RFX3: variants seen among roughly 807,000 people sequenced by gnomAD.
RFX3 encodes the protein transcription factor RFX3.
RFX3 carries 14 observed loss-of-function variants against 98.6 expected under a neutral mutation model. The ratio of observed to expected loss-of-function variants is 0.14; its 90% CI spans 0.09 to 0.22. The LOEUF is 0.22. Ranked by LOEUF, RFX3 falls within the 10% of genes least tolerant of loss-of-function variation. The probability of loss-of-function intolerance (pLI) is 1.00; values close to 1 mark genes in which losing one functional copy is unlikely to be tolerated. For synonymous variants in RFX3, 383 were observed against 328.4 expected (o/e 1.17, Z -1.80); for missense variants, 639 against 926.9 (o/e 0.69, Z 4.03).
intron 4 of RFX3, among the ~76,000 whole-genome samples, chr9:3,320,721 TACAC>T (rs943161448): frequency 1.5e-5 from 2 of 132,398 alleles, no homozygotes; most frequent in Non-Finnish European, 3.1e-5. Context: ...TATACATACA[TACAC>T]ACACATATGT....
chr9:3,267,996 T>C (rs1287314141), intron 11 of RFX3, among the ~76,000 whole-genome samples: 2 of 151,886 alleles, frequency 1.3e-5, no homozygotes, highest in Non-Finnish European at 2.9e-5. Context: ...ATAAATTTAA[T>C]GCAAGGGCAA....
chr9:3,420,888 T>C (rs1462738224), intron 1 of RFX3: 39 of 984,862 alleles, frequency 4.0e-5, no homozygotes, highest in Non-Finnish European at 4.5e-5. Flanking sequence ...ACCAAAGATA[T>C]CCTTGGGTCA....
At chr9:3,311,419 C>A (rs990098289) in intron 4 of RFX3, among the ~76,000 whole-genome samples, 1 of 152,210 alleles carries the variant, frequency 6.6e-6, no homozygotes, top group Non-Finnish European at 1.5e-5. Flanking sequence ...AAATGACAGC[C>A]TCCTGGTGTG....
intron 4 of RFX3, among the ~76,000 whole-genome samples, chr9:3,320,292 C>A (rs1428989707): frequency 6.6e-6 from 1 of 152,120 alleles, no homozygotes; most frequent in African/African-American, 2.4e-5. Context: ...GTGGCTCACG[C>A]CTGTAGTCCC....
intron 1 of RFX3, among the ~76,000 whole-genome samples, chr9:3,444,680 T>C (rs1845886596): frequency 6.6e-6 from 1 of 152,248 alleles, no homozygotes; most frequent in Non-Finnish European, 1.5e-5. Flanking sequence ...AAAGGAATCC[T>C]GGCATTTGCC....
intron 13 of RFX3, among the ~76,000 whole-genome samples, chr9:3,258,187 A>G (rs1020359614): frequency 1.3e-5 from 2 of 152,180 alleles, no homozygotes; most frequent in African/African-American, 2.4e-5. Context: ...AATGAAATTT[A>G]ATGAAAAATT....
At chr9:3,427,163 T>A (rs1043689453) in intron 1 of RFX3, among the ~76,000 whole-genome samples, 1 of 148,834 alleles carries the variant, frequency 6.7e-6, no homozygotes, top group African/African-American at 2.5e-5. Context: ...GTCATACTTT[T>A]CCTTTTTCTT....
intron 2 of RFX3, among the ~76,000 whole-genome samples, chr9:3,364,068 G>A (rs1563989016): frequency 6.6e-6 from 1 of 152,104 alleles, no homozygotes. Flanking sequence ...TAGAGACGGG[G>A]TTTCACCATG....
rs138397915 is a variant in RFX3, at chr9:3,263,022, G to T, written c.1518C>A (p.Ala506=). The T allele has an allele frequency of 6.2e-7, 1 of 1,613,868 alleles. No homozygotes were observed. Among genetic ancestry groups the T allele is most frequent in the South Asian group, 1.1e-5 (1 of 91,078 alleles). ...LRRYTSLNHL[A]QAARAVLQNT... ...TCTGAAGCACTGCACGAGCTGCCTG[G>T]GCCAGGTGATTAAGCGACGTGTATC... The change falls in exon 13 of 17, where the codon GCC becomes GCA. Residue 506 remains alanine (A), a synonymous_variant. Transcript: ENST00000617270.
chr9:3,320,062 A>C (rs1429091286), intron 4 of RFX3, among the ~76,000 whole-genome samples: 2 of 152,222 alleles, frequency 1.3e-5, no homozygotes, highest in African/African-American at 4.8e-5. Flanking sequence ...GACACCTCAC[A>C]GACAATATTA....
chr9:3,398,836 TAA>T (rs1192940001), intron 1 of RFX3, among the ~76,000 whole-genome samples: 1 of 145,316 alleles, frequency 6.9e-6, no homozygotes, highest in Non-Finnish European at 1.5e-5. Flanking sequence ...AAGTTCTCTT[TAA>T]AAATTAAAAC....
chr9:3,469,206 A>G (rs1437804067), intron 1 of RFX3: 4 of 455,836 alleles, frequency 8.8e-6, no homozygotes, highest in African/African-American at 6.0e-5. Flanking sequence ...CTGCAAAAAG[A>G]CAGAAAATGC....
intron 15 of RFX3, among the ~76,000 whole-genome samples, chr9:3,245,977 T>G (rs577805172): frequency 6.6e-6 from 1 of 152,324 alleles, no homozygotes; most frequent in East Asian, 1.9e-4. Flanking sequence ...TTGAATTTCC[T>G]TCTCCTTTTC....
chr9:3,436,050 T>C (rs1845093518), intron 1 of RFX3, among the ~76,000 whole-genome samples: 1 of 152,024 alleles, frequency 6.6e-6, no homozygotes, highest in African/African-American at 2.4e-5. Flanking sequence ...TATTTGGTCA[T>C]GTACATCCTT....
rs1456053984 is a variant in RFX3 at position 3,379,878 on chromosome 9, CAATTTATTTATTTATT to C, written c.117+15578_117+15593del. Among the ~76,000 whole-genome samples, 4 of 120,810 alleles carry C rather than the reference CAATTTATTTATTTATT, an allele frequency of 3.3e-5. 1 individual carries two copies. In the South Asian group the frequency reaches 8.6e-4, roughly 26 times the overall value. The allele number at this position is 120,810 out of a possible 152,430, so 79.3% of individuals were successfully genotyped here. ...TCATTTGACCTTTATAACTTATGGG[CAATTTATTTATTTATT>C]TATTTATTTATTTATTTATTTATTT... On this transcript the variant is annotated intron_variant, in intron 2 of 16. Coordinates refer to ENST00000617270, the MANE Select transcript of RFX3 (RefSeq NM_001282116.2).
chr9:3,322,161 G>T (rs1028705625), intron 4 of RFX3, among the ~76,000 whole-genome samples: 4 of 151,962 alleles, frequency 2.6e-5, no homozygotes, highest in Non-Finnish European at 5.9e-5. Context: ...AAAACTATTG[G>T]TATTATGATT....
At chr9:3,440,192 G>T (rs1587683605) in intron 1 of RFX3, among the ~76,000 whole-genome samples, 1 of 151,960 alleles carries the variant, frequency 6.6e-6, no homozygotes, top group East Asian at 1.9e-4. Context: ...CTATGATCGG[G>T]AACAAGACAG....
chr9:3,475,104 A>AAG (rs1849115962), intron 1 of RFX3, among the ~76,000 whole-genome samples: 1 of 151,034 alleles, frequency 6.6e-6, no homozygotes, highest in African/African-American at 2.5e-5. Flanking sequence ...TGTCTCCAAA[A>AAG]AAAAAAAAAG....
chr9:3,389,192 C>A (rs1840028885), intron 2 of RFX3, among the ~76,000 whole-genome samples: 1 of 152,064 alleles, frequency 6.6e-6, no homozygotes. Context: ...AGACATTTTC[C>A]TTTGTCTTTC....
Sources: allele counts gnomAD v4.1 joint callset (sites outside exome capture counted in the v4.1 genomes callset), GRCh38; gene constraint gnomAD v4.1.1; transcripts MANE v1.5; gene names NCBI Gene and HGNC (gene_info 2026-07-23, HGNC 2026-07-21).